The following IGSF10 variants were observed in gnomAD, a reference collection of about 807,000 sequenced individuals.
The protein encoded by IGSF10 is immunoglobulin superfamily member 10.
A neutral mutation model predicts 128.2 loss-of-function variants in IGSF10; 126 were observed. The ratio of observed to expected loss-of-function variants is 0.98; its 90% CI spans 0.85 to 1.14. The LOEUF (loss-of-function observed/expected upper bound fraction) is 1.14. IGSF10 is among the 50% of genes most tolerant of loss of function. IGSF10 has a pLI of 0.00. For missense variants in IGSF10, 3,295 were observed against 3,149.8 expected (o/e 1.05, Z -1.10); for synonymous variants, 1,185 against 1,146.2 (o/e 1.03, Z -0.68).
rs145350083 is a variant in IGSF10, at chr3:151,446,504, G to A, written c.3477C>T (p.Asn1159=). The A allele has an allele frequency of 5.8e-4, 935 of 1,614,104 alleles. 2 individuals carry two copies. Among genetic ancestry groups the A allele is most frequent in the Admixed American group, 3.7e-3 (224 of 60,022 alleles). The change falls in exon 6 of 8, where the codon AAC becomes AAT. Residue 1159 remains asparagine (N), a synonymous_variant. Coordinates refer to ENST00000282466, the MANE Select transcript of IGSF10 (RefSeq NM_178822.5). The part of the protein sequence containing the change: ...SIPMEKTHKV[N]ASYPRVSSTN... ...TGCTAGACACACGTGGGTAACTGGCGTTTACTTTGTGAGTTTTTTCCATGG... is the reference window on the plus strand; with the variant it reads ...TGCTAGACACACGTGGGTAACTGGCATTTACTTTGTGAGTTTTTTCCATGG...
the IGSF10 span, among the ~76,000 whole-genome samples, chr3:151,504,262 T>C: frequency 6.6e-6 from 1 of 152,224 alleles, no homozygotes; most frequent in African/African-American, 2.4e-5. Context: ...ATGGAGTTGG[T>C]TAGGTTAGGT....
At chr3:151,614,425 T>G in the IGSF10 span, among the ~76,000 whole-genome samples, 173 of 152,294 alleles carry the variant, frequency 1.1e-3, 1 homozygote, top group Middle Eastern at 3.4e-3. Context: ...CCAACCTAAA[T>G]GTCCAACAAC....
the IGSF10 span, among the ~76,000 whole-genome samples, chr3:151,493,371 CATA>C: frequency 5.3e-5 from 8 of 152,256 alleles, no homozygotes; most frequent in Non-Finnish European, 8.8e-5. Context: ...TCATGTGTTA[CATA>C]ATAATATTTT....
At chr3:151,542,779 T>C in the IGSF10 span, among the ~76,000 whole-genome samples, 1 of 152,268 alleles carries the variant, frequency 6.6e-6, no homozygotes, top group Non-Finnish European at 1.5e-5. Flanking sequence ...AAGGAGGGAA[T>C]GCTTAAAGTT....
At chr3:151,489,152 A>G in the IGSF10 span, among the ~76,000 whole-genome samples, 4 of 152,152 alleles carry the variant, frequency 2.6e-5, no homozygotes, top group African/African-American at 4.8e-5. Context: ...ACCTCATCAA[A>G]AAGTGGGTGA....
At chr3:151,506,470 T>G in the IGSF10 span, among the ~76,000 whole-genome samples, 1 of 152,204 alleles carries the variant, frequency 6.6e-6, no homozygotes, top group Non-Finnish European at 1.5e-5. Flanking sequence ...GAATTTACAT[T>G]TATTAAAGGA....
chr3:151,470,733 C>T, the IGSF10 span, among the ~76,000 whole-genome samples: 1 of 146,118 alleles, frequency 6.8e-6, no homozygotes, highest in African/African-American at 2.5e-5. Context: ...TAAGGCATAT[C>T]CTAATTGACT....
the IGSF10 span, among the ~76,000 whole-genome samples, chr3:151,485,565 T>C: frequency 6.6e-6 from 1 of 152,126 alleles, no homozygotes; most frequent in African/African-American, 2.4e-5. Flanking sequence ...GATTGGGTTA[T>C]GCACAAAGGG....
chr3:151,484,005 T>A, the IGSF10 span, among the ~76,000 whole-genome samples: 1 of 152,170 alleles, frequency 6.6e-6, no homozygotes, highest in Non-Finnish European at 1.5e-5. Flanking sequence ...GTGGTCTGGC[T>A]CAGCGGGTCC....
the IGSF10 span, among the ~76,000 whole-genome samples, chr3:151,514,686 C>G: frequency 8.5e-5 from 13 of 152,206 alleles, no homozygotes; most frequent in East Asian, 1.2e-3. Context: ...AGGCAACTTA[C>G]AAAATGGGAG....
chr3:151,458,465 CT>C (rs1560183369), intron 3 of IGSF10, 50 bp downstream of exon 3: 1 of 1,384,262 alleles, frequency 7.2e-7, no homozygotes, highest in African/African-American at 1.4e-5. Context: ...GGACAAGTCA[CT>C]GCTGCGACTG....
the IGSF10 span, chr3:151,499,803 A>T: frequency 1.3e-5 from 2 of 152,110 alleles, no homozygotes; most frequent in African/African-American, 2.4e-5. Context: ...GAAGAATAAA[A>T]TATGGGCCCT....
chr3:151,441,103 C>A (rs1297430675), intron 7 of IGSF10, among the ~76,000 whole-genome samples: 1 of 152,120 alleles, frequency 6.6e-6, no homozygotes, highest in Non-Finnish European at 1.5e-5. Context: ...CAACAAATTC[C>A]CAGACAATGC....
the IGSF10 span, among the ~76,000 whole-genome samples, chr3:151,512,662 C>T: frequency 6.6e-6 from 1 of 151,904 alleles, no homozygotes; most frequent in Non-Finnish European, 1.5e-5. Flanking sequence ...CAAAAAAAAT[C>T]AATGAATCCA....
At chr3:151,563,109 AT>A in the IGSF10 span, among the ~76,000 whole-genome samples, 1 of 115,094 alleles carries the variant, frequency 8.7e-6, no homozygotes, top group Non-Finnish European at 1.9e-5. Flanking sequence ...CCTAACACAC[AT>A]TTTTCTTAGA....
At chr3:151,458,250 A>T (rs1721894460) in intron 3 of IGSF10, among the ~76,000 whole-genome samples, 1 of 152,152 alleles carries the variant, frequency 6.6e-6, no homozygotes, top group Non-Finnish European at 1.5e-5. Flanking sequence ...GCAAAAATGT[A>T]GCCAGAAAGA....
chr3:151,522,143 A>T, the IGSF10 span, among the ~76,000 whole-genome samples: 28 of 152,134 alleles, frequency 1.8e-4, no homozygotes, highest in Admixed American at 3.9e-4. Flanking sequence ...CCCAAGACTG[A>T]ACCAGGAAGA....
chr3:151,450,706 G>C lies in IGSF10; in HGVS notation c.716-1441C>G, dbSNP rs995503826. 5.3e-5 allele frequency among the ~76,000 whole-genome samples: 8 copies of C among 151,990 alleles called. No individual in the cohort carries two copies. In the South Asian group the frequency reaches 1.3e-3, roughly 24 times the overall value. On this transcript the variant is annotated intron_variant, in intron 5 of 7. Coordinates refer to ENST00000282466, the MANE Select transcript of IGSF10 (RefSeq NM_178822.5). ...GAGGTTGGAAGTTTGAGACCAGTCT[G>C]ACCAACATGGAAAAACCCCGTCTCT...
chr3:151,433,092 CT>C, downstream of IGSF10: 13 of 291,874 alleles, frequency 4.5e-5, no homozygotes, highest in South Asian at 7.7e-5. Flanking sequence ...GAAATTGGTG[CT>C]TTTTTTGAAT....
Sources: gnomAD v4.1 joint callset for allele counts (sites outside exome capture counted in the v4.1 genomes callset) on GRCh38, gnomAD v4.1.1 for gene constraint, MANE v1.5 for transcripts, NCBI Gene and HGNC (gene_info 2026-07-23, HGNC 2026-07-21) for gene names.